NXPH1: variants seen among roughly 807,000 people sequenced by gnomAD.
NXPH1 encodes neurexophilin-1.
Under a neutral mutation model 23.7 loss-of-function variants are expected in NXPH1, and 5 were observed. The ratio of observed to expected loss-of-function variants is 0.21; its 90% CI spans 0.11 to 0.44. The LOEUF (loss-of-function observed/expected upper bound fraction) is 0.44, where lower values mean the gene tolerates loss of function less well. Ranked by LOEUF, NXPH1 falls within the 20% of genes least tolerant of loss-of-function variation. The probability of loss-of-function intolerance (pLI) is 0.99; values close to 1 mark genes in which losing one functional copy is unlikely to be tolerated. For missense variants in NXPH1, 324 were observed against 321.6 expected (o/e 1.01, Z -0.06); for synonymous variants, 144 against 122.2 (o/e 1.18, Z -1.18).
At chr7:8,658,155 G>A (rs956734258) in intron 2 of NXPH1, among the ~76,000 whole-genome samples, 16 of 152,116 alleles carry the variant, frequency 1.1e-4, no homozygotes, top group Admixed American at 2.0e-4. Context: ...TAGTGACTTC[G>A]AAAATACAGT....
rs184340969 is a variant in NXPH1 at position 8,585,770 on chromosome 7, G to A, written c.54+150003G>A. On this transcript the variant is annotated intron_variant, in intron 2 of 2. Coordinates refer to ENST00000405863, the MANE Select transcript of NXPH1 (RefSeq NM_152745.3). ...TGGTGCTACTCTCTTAAGTGATTGGGCAGGGCAGGCAGACAGCCAGCCTTG... is the reference window on the plus strand; with the variant it reads ...TGGTGCTACTCTCTTAAGTGATTGGACAGGGCAGGCAGACAGCCAGCCTTG... Among the ~76,000 whole-genome samples, 4 of 152,278 alleles carry A rather than the reference G, an allele frequency of 2.6e-5. No homozygotes were observed. In the East Asian group the frequency reaches 5.8e-4, roughly 22 times the overall value.
chr7:8,524,271 CTATTTTCATACTTGTGAATCCT>C (rs1402935197), intron 2 of NXPH1, among the ~76,000 whole-genome samples: 1 of 138,066 alleles, frequency 7.2e-6, no homozygotes, highest in African/African-American at 2.7e-5. Context: ...AAAAGGAAAG[CTATTTTCATACTTGTGAATCCT>C]TATAGAATGA....
At chr7:8,666,245 A>T (rs971619689) in intron 2 of NXPH1, among the ~76,000 whole-genome samples, 8 of 151,954 alleles carry the variant, frequency 5.3e-5, no homozygotes, top group African/African-American at 1.9e-4. Context: ...GAGAGGTTTT[A>T]TCATGAAGGG....
intron 2 of NXPH1, among the ~76,000 whole-genome samples, chr7:8,700,001 A>G (rs1364447804): frequency 6.6e-6 from 1 of 152,170 alleles, no homozygotes; most frequent in Admixed American, 6.5e-5. Flanking sequence ...TTAAAAATCC[A>G]GTGTGAACCA....
intron 2 of NXPH1, among the ~76,000 whole-genome samples, chr7:8,518,264 A>G (rs1228541034): frequency 6.6e-6 from 1 of 152,098 alleles, no homozygotes; most frequent in Non-Finnish European, 1.5e-5. Flanking sequence ...CCTACCTGGT[A>G]CTGATCAGGG....
At chr7:8,612,757 T>C (rs1447812870) in intron 2 of NXPH1, among the ~76,000 whole-genome samples, 2 of 152,088 alleles carry the variant, frequency 1.3e-5, no homozygotes, top group East Asian at 3.9e-4. Context: ...CCTGGTATCA[T>C]TAACCTTGCT....
At chr7:8,630,602 A>C (rs75545398) in intron 2 of NXPH1, among the ~76,000 whole-genome samples, 239 of 152,320 alleles carry the variant, frequency 1.6e-3, no homozygotes, top group African/African-American at 5.6e-3. Context: ...TCATTTTACG[A>C]GGAAAAGAAA....
chr7:8,527,207 T>C (rs1817876560), intron 2 of NXPH1, among the ~76,000 whole-genome samples: 1 of 152,186 alleles, frequency 6.6e-6, no homozygotes, highest in Admixed American at 6.5e-5. Flanking sequence ...TCCTATTATG[T>C]GGAGATTCTG....
At chr7:8,520,510 G>C (rs17151613) in intron 2 of NXPH1, among the ~76,000 whole-genome samples, 2,183 of 152,210 alleles carry the variant, frequency 0.014, 42 homozygotes, top group African/African-American at 0.047. Context: ...AGTCCGACAC[G>C]GTAGGAAAGT....
chr7:8,738,790 G>A (rs1780307978), intron 2 of NXPH1, among the ~76,000 whole-genome samples: 1 of 152,156 alleles, frequency 6.6e-6, no homozygotes, highest in African/African-American at 2.4e-5. Context: ...CCCTGACTGG[G>A]GCTGCTGCCT....
At chr7:8,539,252 T>A (rs578024074) in intron 2 of NXPH1, among the ~76,000 whole-genome samples, 5 of 151,882 alleles carry the variant, frequency 3.3e-5, no homozygotes, top group South Asian at 2.1e-4. Flanking sequence ...ATATCTAAGC[T>A]TGATAAATAA....
At chr7:8,503,631 T>C (rs535482734) in intron 2 of NXPH1, among the ~76,000 whole-genome samples, 12 of 152,034 alleles carry the variant, frequency 7.9e-5, no homozygotes. Context: ...ACTTTCTTTT[T>C]AGATTTCCTG....
intron 2 of NXPH1, among the ~76,000 whole-genome samples, chr7:8,701,747 G>A (rs1389104712): frequency 6.6e-6 from 1 of 152,066 alleles, no homozygotes; most frequent in African/African-American, 2.4e-5. Flanking sequence ...AAGATAGTCA[G>A]TAAATATTTG....
chr7:8,696,478 G>A (rs1779513048), intron 2 of NXPH1, among the ~76,000 whole-genome samples: 1 of 152,160 alleles, frequency 6.6e-6, no homozygotes, highest in Non-Finnish European at 1.5e-5. Context: ...TATTGTGATT[G>A]GAATAAACAT....
At chr7:8,526,277 G>A (rs1258403471) in intron 2 of NXPH1, among the ~76,000 whole-genome samples, 1 of 152,204 alleles carries the variant, frequency 6.6e-6, no homozygotes, top group African/African-American at 2.4e-5. Context: ...CCTCCCATAT[G>A]GGGTAGCTGT....
chr7:8,564,214 T>A (rs1026322612), intron 2 of NXPH1, among the ~76,000 whole-genome samples: 2 of 151,812 alleles, frequency 1.3e-5, no homozygotes, highest in African/African-American at 4.8e-5. Flanking sequence ...TCATTGTCTG[T>A]TTGCCATCCT....
intron 2 of NXPH1, among the ~76,000 whole-genome samples, chr7:8,607,711 G>T (rs918912343): frequency 6.6e-6 from 1 of 152,144 alleles, no homozygotes; most frequent in African/African-American, 2.4e-5. Context: ...TGTTATAATT[G>T]TGTTGGCTAT....
chr7:8,610,449 C>G (rs148208506), intron 2 of NXPH1, among the ~76,000 whole-genome samples: 1 of 152,086 alleles, frequency 6.6e-6, no homozygotes, highest in African/African-American at 2.4e-5. Flanking sequence ...ATCACTATGG[C>G]TTATGACATT....
At chr7:8,576,526 T>TCA in intron 2 of NXPH1, among the ~76,000 whole-genome samples, 1 of 152,130 alleles carries the variant, frequency 6.6e-6, no homozygotes, top group Non-Finnish European at 1.5e-5. Context: ...ACAATGTAGC[T>TCA]TATGGAAGAA....
Sources: allele counts gnomAD v4.1 joint callset (sites outside exome capture counted in the v4.1 genomes callset), GRCh38; gene constraint gnomAD v4.1.1; transcripts MANE v1.5; gene names NCBI Gene and HGNC (gene_info 2026-07-23, HGNC 2026-07-21).